Variants in GPR89A observed in about 807,000 individuals in gnomAD.
GPR89A encodes golgi pH regulator A.
Under a neutral mutation model 52.0 loss-of-function variants are expected in GPR89A, and 16 were observed. That is an observed-to-expected ratio of 0.31 (90% CI 0.21 to 0.47). GPR89A has a LOEUF of 0.47. Among genes scored for constraint, GPR89A ranks in the 20% least tolerant of loss-of-function variants. The pLI is 1.00. For missense variants in GPR89A, 135 were observed against 449.4 expected (o/e 0.30, Z 6.33); for synonymous variants, 55 against 150.9 (o/e 0.36, Z 4.66).
intron 10 of GPR89A, among the ~76,000 whole-genome samples, chr1:145,654,788 T>C: frequency 6.6e-6 from 1 of 152,068 alleles, no homozygotes; most frequent in Non-Finnish European, 1.5e-5. Flanking sequence ...CTGGATTTCC[T>C]GAATTTGAAT....
chr1:145,661,854 T>C (rs1389771944), intron 10 of GPR89A, among the ~76,000 whole-genome samples: 1 of 149,998 alleles, frequency 6.7e-6, no homozygotes, highest in Non-Finnish European at 1.5e-5. Context: ...CTCATTCAAT[T>C]CAAAATGCTT....
chr1:145,612,449 A>G (rs1296179535), intron 1 of GPR89A, among the ~76,000 whole-genome samples: 1 of 152,168 alleles, frequency 6.6e-6, no homozygotes, highest in Non-Finnish European at 1.5e-5. Context: ...GACAGACTCA[A>G]TAAGAGCTGA....
At chr1:145,611,979 C>T (rs1648316701) in intron 1 of GPR89A, among the ~76,000 whole-genome samples, 1 of 152,026 alleles carries the variant, frequency 6.6e-6, no homozygotes, top group South Asian at 2.1e-4. Flanking sequence ...ACACTTGGAT[C>T]ACTGCTATAG....
At chr1:145,619,149 C>G (rs1243597510) in intron 3 of GPR89A, among the ~76,000 whole-genome samples, 13 of 152,194 alleles carry the variant, frequency 8.5e-5, no homozygotes, top group African/African-American at 3.1e-4. Flanking sequence ...AGTTAGGATT[C>G]AGTGCCAAGG....
chr1:145,613,458 A>G (rs114169745), intron 1 of GPR89A, among the ~76,000 whole-genome samples: 2,668 of 152,190 alleles, frequency 0.018, 87 homozygotes, highest in African/African-American at 0.061. Context: ...TGTCTTCCAT[A>G]CAGCCACCAT....
At chr1:145,660,267 G>T (rs1652102883) in intron 10 of GPR89A, among the ~76,000 whole-genome samples, 1 of 152,100 alleles carries the variant, frequency 6.6e-6, no homozygotes. Context: ...AGCTGAAACT[G>T]GATCCCTTCC....
At chr1:145,632,512 T>C (rs587752394) in intron 7 of GPR89A, among the ~76,000 whole-genome samples, 2 of 152,314 alleles carry the variant, frequency 1.3e-5, no homozygotes, top group East Asian at 3.9e-4. Context: ...TGTCTTTCTG[T>C]GTCCAACTCA....
At chr1:145,612,401 G>A (rs145725713) in intron 1 of GPR89A, among the ~76,000 whole-genome samples, 2,097 of 152,070 alleles carry the variant, frequency 0.014, 50 homozygotes, top group African/African-American at 0.047. Context: ...TTAGAGTAGC[G>A]TATTTTGAAG....
Position 145,656,378 on chromosome 1 carries a change from C to G in GPR89A, c.910-6951C>G, listed in dbSNP as rs587600137. On this transcript the variant is annotated intron_variant, in intron 10 of 13. Transcript: ENST00000313835. ...TTTCCTGGGCAGGGTGCCACAATCA[C>G]TCATCGCCTTCCTTGATTGGGGGTG... Among the ~76,000 whole-genome samples the G allele has an allele frequency of 4.3e-3, 660 of 152,150 alleles. 5 individuals are homozygous for G. The highest frequency in any genetic ancestry group is 0.015 in the African/African-American group (620 of 41,512).
intron 10 of GPR89A, among the ~76,000 whole-genome samples, chr1:145,656,051 G>A (rs1553694456): frequency 6.6e-6 from 1 of 152,082 alleles, no homozygotes; most frequent in African/African-American, 2.4e-5. Context: ...ACCTAAAGAA[G>A]CGGTCTGGCC....
Position 145,665,991 on chromosome 1 carries a change from C to CA in GPR89A, c.1095+353dup, listed in dbSNP as rs1161841307. Among the ~76,000 whole-genome samples, 113 of 130,514 alleles carry CA rather than the reference C, an allele frequency of 8.7e-4. No individual in the cohort carries two copies. In the Middle Eastern group the frequency reaches 0.011, roughly 13 times the overall value. The allele number at this position is 130,514 out of a possible 152,430, so 85.6% of individuals were successfully genotyped here. Reference sequence around the variant, plus strand: ...CTGGTGAAAGAGCAACACTCCATCTCAAAAAAAAAAAAATAGGTGGTACCA... The same window carrying CA: ...CTGGTGAAAGAGCAACACTCCATCTCAAAAAAAAAAAAAATAGGTGGTACCA... On this transcript the variant is annotated intron_variant, in intron 12 of 13. Transcript: ENST00000313835.
chr1:145,669,041 C>T (rs1192824054), intron 12 of GPR89A, among the ~76,000 whole-genome samples: 1 of 151,868 alleles, frequency 6.6e-6, no homozygotes, highest in Non-Finnish European at 1.5e-5. Flanking sequence ...TGTTGTGTCT[C>T]TGCCAGGTTT....
At chr1:145,617,086 T>C (rs587617347) in intron 2 of GPR89A, among the ~76,000 whole-genome samples, 12 of 152,258 alleles carry the variant, frequency 7.9e-5, no homozygotes, top group African/African-American at 2.6e-4. Flanking sequence ...CCAATCCTAG[T>C]AAGTCTGAGG....
In GPR89A at chr1:145,611,462, C is replaced by G. The variant is rs1235495742; in HGVS notation, c.42+3287C>G. 4 of 151,878 alleles carry G rather than the reference C, an allele frequency of 2.6e-5. 1 individual carries two copies. The highest frequency in any genetic ancestry group is 4.2e-4 in the South Asian group (2 of 4,810). The allele number at this position is 151,878 out of a possible 1,614,324, so 9.4% of individuals were successfully genotyped here. ...TGTGGTATTTGGTTTTCTGTTCTTG[C>G]ATTAATTTGCTTAGGATGATGGCCT... On this transcript the variant is annotated intron_variant, in intron 1 of 13. Transcript: ENST00000313835.
At chr1:145,669,548 G>A (rs1157227147) in intron 12 of GPR89A, 77 bp from the exon 13 acceptor site, 2 of 1,461,502 alleles carry the variant, frequency 1.4e-6, no homozygotes, top group Non-Finnish European at 1.9e-6. Flanking sequence ...TTAATCAAAT[G>A]TTAACCATAT....
chr1:145,670,497 C>T lies in GPR89A; in HGVS notation c.*457C>T. 3.9e-6 allele frequency: 1 copy of T among 256,916 alleles called. No homozygotes were observed. The highest frequency in any genetic ancestry group is 7.6e-6 in the Non-Finnish European group (1 of 132,366). 15.9% of individuals were successfully genotyped at this position (256,916 alleles called of 1,614,324 possible). ...CTTACGTTCATTTTATCAAGCATAG[C>T]TTGGTATTTATTATGCTTGTGTGAT... On this transcript the variant is annotated 3_prime_UTR_variant, in exon 14 of 14. Coordinates refer to ENST00000313835, the MANE Select transcript of GPR89A (RefSeq NM_001097612.2).
chr1:145,655,503 ATGT>A (rs1309563144), intron 10 of GPR89A, among the ~76,000 whole-genome samples: 2 of 151,262 alleles, frequency 1.3e-5, no homozygotes, highest in African/African-American at 4.9e-5. Flanking sequence ...TTTTTTGTTG[ATGT>A]TGTTGTTGCT....
At chr1:145,647,871 CTCTCTCTCTATA>C (rs1651147835) in intron 10 of GPR89A, among the ~76,000 whole-genome samples, 17 of 88,420 alleles carry the variant, frequency 1.9e-4, no homozygotes, top group African/African-American at 7.4e-4. Context: ...CTCTCTCTCT[CTCTCTCTCTATA>C]TATATATATA....
intron 10 of GPR89A, among the ~76,000 whole-genome samples, chr1:145,658,288 A>G (rs587606360): frequency 6.7e-4 from 101 of 150,378 alleles, no homozygotes; most frequent in Non-Finnish European, 1.3e-3. Flanking sequence ...TTTAAGGTAC[A>G]TCCATGTCAT....
Sources: allele counts gnomAD v4.1 joint callset (sites outside exome capture counted in the v4.1 genomes callset), GRCh38; gene constraint gnomAD v4.1.1; transcripts MANE v1.5; gene names NCBI Gene and HGNC (gene_info 2026-07-23, HGNC 2026-07-21).